The following FBXO21 variants were observed in gnomAD, a reference collection of about 807,000 sequenced individuals.
FBXO21 encodes F-box protein 21.
In FBXO21, 32 loss-of-function variants were observed where a neutral mutation model predicts 76.6. The observed-to-expected ratio is 0.42, with a 90% CI of 0.32 to 0.56. FBXO21 has a LOEUF of 0.56. FBXO21 is among the 20% of genes least tolerant of loss of function. The pLI is 0.16. For synonymous variants in FBXO21, 328 were observed against 311.5 expected, an observed-to-expected ratio of 1.05 and a Z score of -0.56; for missense variants, 586 against 797.3, an observed-to-expected ratio of 0.73 and a Z score of 3.19.
At position 117,190,413 on chromosome 12, in the gene FBXO21, G is replaced by C; in HGVS notation, c.44C>G (p.Ala15Gly). 1 of 1,482,204 alleles carries C rather than the reference G, an allele frequency of 6.7e-7. No individual in the cohort carries two copies. The highest frequency in any genetic ancestry group is 8.9e-7 in the Non-Finnish European group (1 of 1,119,290). The allele number at this position is 1,482,204 out of a possible 1,614,324, so 91.8% of individuals were successfully genotyped here. A position where few individuals can be genotyped will look rare whatever the true frequency, so the allele number is the denominator to read the frequency against. ...CTCCGGCGCGGCCTCCTCCGCCAGCGCCGGCACCACCTCCATCGCGCTGTC... is the reference window on the plus strand; with the variant it reads ...CTCCGGCGCGGCCTCCTCCGCCAGCCCCGGCACCACCTCCATCGCGCTGTC... ...AVDSAMEVVP[A>G]LAEEAAPEVA... The change falls in exon 1 of 12, where the codon GCG becomes GGG. Residue 15 changes from alanine (A) to glycine (G), a missense_variant. Ala to Gly is a moderately conservative substitution (Grantham distance 60). Coordinates refer to ENST00000622495, the MANE Select transcript of FBXO21 (RefSeq NM_015002.3).
intron 11 of FBXO21, chr12:117,154,210 G>A (rs1311270238): frequency 6.6e-6 from 1 of 152,184 alleles, no homozygotes. Flanking sequence ...AGCTTCAAAA[G>A]TTAAATAACA....
chr12:117,182,564 CTTTTTTT>C (rs891529583), intron 3 of FBXO21, among the ~76,000 whole-genome samples: 18 of 83,338 alleles, frequency 2.2e-4, no homozygotes, highest in East Asian at 1.9e-3. Flanking sequence ...GCAAGAGGAT[CTTTTTTT>C]TTTTTTTTTT....
chr12:117,172,662 T>C, intron 6 of FBXO21, 55 bp from the exon 7 acceptor site: 1 of 1,568,312 alleles, frequency 6.4e-7, no homozygotes, highest in Non-Finnish European at 8.7e-7. Context: ...GTTCTCATTC[T>C]TTCAATAAAC....
At chr12:117,177,252 A>C (rs1165738794) in intron 4 of FBXO21, among the ~76,000 whole-genome samples, 1 of 152,222 alleles carries the variant, frequency 6.6e-6, no homozygotes, top group Non-Finnish European at 1.5e-5. Flanking sequence ...TTCATTAGCT[A>C]AAGTATCACT....
At position 117,168,841 on chromosome 12, in the gene FBXO21, G is replaced by A. The variant is rs537069191; in HGVS notation, c.1014-1764C>T. On this transcript the variant is annotated intron_variant, in intron 7 of 11. Coordinates refer to ENST00000622495, the MANE Select transcript of FBXO21 (RefSeq NM_015002.3). The stretch of plus-strand genomic sequence containing the variant: ...TTTTGTAACAGATGCTAAGGAGATT[G>A]TGGAGAAAAAGGAATGCTTATACAC... 2.6e-5 allele frequency among the ~76,000 whole-genome samples: 4 copies of A among 152,372 alleles called. No individual in the cohort carries two copies. The South Asian group carries it at 8.3e-4, about 32-fold the overall frequency.
chr12:117,172,208 C>G (rs1020630686), intron 7 of FBXO21, among the ~76,000 whole-genome samples: 1 of 152,170 alleles, frequency 6.6e-6, no homozygotes, highest in Admixed American at 6.5e-5. Flanking sequence ...TAGATTCACA[C>G]ATGCAGTTTT....
chr12:117,146,970 C>T (rs1232686159), intron 11 of FBXO21, among the ~76,000 whole-genome samples: 1 of 152,124 alleles, frequency 6.6e-6, no homozygotes, highest in African/African-American at 2.4e-5. Context: ...AGGCTGGGAG[C>T]AGTGGCTTAT....
chr12:117,176,311 G>C (rs1956173255), intron 4 of FBXO21, among the ~76,000 whole-genome samples: 1 of 152,158 alleles, frequency 6.6e-6, no homozygotes, highest in East Asian at 1.9e-4. Flanking sequence ...AATTATGGAG[G>C]GGGAGTAGGA....
chr12:117,146,172 T>C lies in FBXO21; in HGVS notation c.1781A>G (p.Glu594Gly). 6.2e-7 allele frequency: 1 copy of C among 1,614,144 alleles called. No homozygotes were observed. The highest frequency in any genetic ancestry group is 8.5e-7 in the Non-Finnish European group (1 of 1,180,000). ...GTHYIPNAELEIRYPEDLEFV... is the reference protein window; with the variant it reads ...GTHYIPNAELGIRYPEDLEFV... ...CTCCAGATCTTCTGGATACCGGATC[T>C]CCAGCTCTGCGTTTGGGATGTAGTG... The change falls in exon 12 of 12, where the codon GAG becomes GGG. Residue 594 changes from glutamate (E) to glycine (G), a missense_variant. Around this residue, in one of 6 missense-constraint regions of FBXO21, gnomAD observed 164 missense variants for 236.7 expected, o/e 0.69. Transcript: ENST00000622495.
intron 4 of FBXO21, 102 bp downstream of exon 4, chr12:117,177,418 C>T (rs1956186872): frequency 7.9e-7 from 1 of 1,266,106 alleles, no homozygotes; most frequent in South Asian, 1.7e-5. Context: ...TTTGCTTTTT[C>T]ACTTCTTTAC....
Position 117,177,545 on chromosome 12 carries a change from T to C in FBXO21, c.567A>G (p.Pro189=). ...LNNLKAFLQQ[P]DDYESYLEGA... is the part of the protein sequence containing the mutation. ...CTTCAAGATACGACTCATAGTCATC[T>C]GGCTGCTGAAGAAAGGCCTTAAGAT... The change falls in exon 4 of 12, where the codon CCA becomes CCG. Residue 189 remains proline, a synonymous_variant. Transcript: ENST00000622495. 3 of 1,613,858 alleles carry C rather than the reference T, an allele frequency of 1.9e-6. No homozygotes were observed. Among genetic ancestry groups the C allele is most frequent in the Non-Finnish European group, 2.5e-6 (3 of 1,179,840 alleles).
At chr12:117,153,713 T>C (rs1955875190) in intron 11 of FBXO21, among the ~76,000 whole-genome samples, 1 of 152,252 alleles carries the variant, frequency 6.6e-6, no homozygotes, top group African/African-American at 2.4e-5. Flanking sequence ...ACAGCGCTGA[T>C]GGAGCCGCCG....
chr12:117,169,994 C>A (rs1419791798), intron 7 of FBXO21, among the ~76,000 whole-genome samples: 1 of 151,736 alleles, frequency 6.6e-6, no homozygotes, highest in African/African-American at 2.4e-5. Flanking sequence ...TGATTATCCA[C>A]AGAGAAAAGC....
chr12:117,149,174 C>CT (rs943418983), intron 11 of FBXO21, among the ~76,000 whole-genome samples: 2 of 152,038 alleles, frequency 1.3e-5, no homozygotes, highest in African/African-American at 4.8e-5. Flanking sequence ...ATTTTCTTTT[C>CT]TTTTTTGTAG....
chr12:117,168,292 A>G (rs10850786), intron 7 of FBXO21, among the ~76,000 whole-genome samples: 57,703 of 152,038 alleles, frequency 0.38, 12,148 homozygotes, highest in Admixed American at 0.55. Flanking sequence ...TTGGGAGGCC[A>G]AGGCAGGCAG....
chr12:117,156,033 C>A, intron 10 of FBXO21, 85 bp from the exon 11 acceptor site: 1 of 1,245,794 alleles, frequency 8.0e-7, no homozygotes, highest in Admixed American at 1.7e-5. Context: ...CAGCTCACAT[C>A]CTCAGTTACC....
intron 11 of FBXO21, among the ~76,000 whole-genome samples, chr12:117,150,756 C>T (rs1316031069): frequency 6.6e-6 from 1 of 152,150 alleles, no homozygotes; most frequent in African/African-American, 2.4e-5. Context: ...AATTTGAAAG[C>T]GAAAGCCAAA....
At chr12:117,174,928 A>G (rs1956158730) in intron 4 of FBXO21, 131 bp from the exon 5 acceptor site, 2 of 823,498 alleles carry the variant, frequency 2.4e-6, no homozygotes, top group South Asian at 2.2e-5. Context: ...TGTTTTGGCC[A>G]TGGACCTTGC....
chr12:117,164,589 A>T (rs1956029219), intron 9 of FBXO21, among the ~76,000 whole-genome samples: 1 of 152,120 alleles, frequency 6.6e-6, no homozygotes, highest in African/African-American at 2.4e-5. Flanking sequence ...ATCTTTTCTT[A>T]AAACAGGAGC....
Sources: allele counts gnomAD v4.1 joint callset (sites outside exome capture counted in the v4.1 genomes callset), GRCh38; gene constraint gnomAD v4.1.1; regional missense constraint gnomAD v4.1.1; transcripts MANE v1.5; gene names NCBI Gene and HGNC (gene_info 2026-07-23, HGNC 2026-07-21).